Variants in FAM117B observed in about 807,000 individuals in gnomAD.
FAM117B encodes protein FAM117B.
Under a neutral mutation model 52.8 loss-of-function variants are expected in FAM117B, and 22 were observed. The ratio of observed to expected loss-of-function variants is 0.42; its 90% confidence interval spans 0.30 to 0.59. The LOEUF is 0.59. Ranked by LOEUF, FAM117B falls within the 20% of genes least tolerant of loss-of-function variation. FAM117B has a pLI of 0.22. For missense variants in FAM117B, 678 were observed against 802.6 expected, an observed-to-expected ratio of 0.84 and a Z score of 1.88; for synonymous variants, 309 against 324.1, an observed-to-expected ratio of 0.95 and a Z score of 0.50.
At chr2:202,689,062 TTGAA>T (rs940746088) in intron 1 of FAM117B, among the ~76,000 whole-genome samples, 2 of 152,208 alleles carry the variant, frequency 1.3e-5, no homozygotes, top group African/African-American at 4.8e-5. Context: ...CAATAAGTAA[TTGAA>T]TGCATAATGG....
intron 4 of FAM117B, among the ~76,000 whole-genome samples, chr2:202,729,145 C>T (rs953313494): frequency 6.6e-6 from 1 of 152,138 alleles, no homozygotes; most frequent in African/African-American, 2.4e-5. Flanking sequence ...CGAGACTAGC[C>T]TGGCCAACAT....
At chr2:202,719,391 TTTTTA>T (rs3045717) in intron 2 of FAM117B, among the ~76,000 whole-genome samples, 33,316 of 151,958 alleles carry the variant, frequency 0.22, 3,812 homozygotes, top group South Asian at 0.38. Context: ...TTTTAAAAAC[TTTTTA>T]TTTTGAGAAA....
In FAM117B at chr2:202,725,017, A is replaced by G. The variant is rs978550477; in HGVS notation, c.846+8A>G. ...ACAGATCAACTTAAGGAGGTCAGAAAAATGGTTCTAAGATAGTGGGTGTGG... is the reference window on the plus strand; with the variant it reads ...ACAGATCAACTTAAGGAGGTCAGAAGAATGGTTCTAAGATAGTGGGTGTGG... On this transcript the variant is annotated splice_region_variant and intron_variant, in intron 3 of 7. Transcript: ENST00000392238. 6.2e-7 allele frequency: 1 copy of G among 1,604,574 alleles called. No homozygotes were observed. Among genetic ancestry groups the G allele is most frequent in the East Asian group, 2.2e-5 (1 of 44,672 alleles).
At chr2:202,691,595 A>G (rs1156247269) in intron 1 of FAM117B, among the ~76,000 whole-genome samples, 1 of 151,904 alleles carries the variant, frequency 6.6e-6, no homozygotes, top group Admixed American at 6.6e-5. Flanking sequence ...TTAGGGAAGA[A>G]AAGTGCCAGA....
chr2:202,684,048 G>C (rs946862774), intron 1 of FAM117B, among the ~76,000 whole-genome samples: 2 of 151,930 alleles, frequency 1.3e-5, no homozygotes, highest in Non-Finnish European at 2.9e-5. Context: ...TGTATTTTTT[G>C]TAGAGACCAG....
Position 202,635,490 on chromosome 2 carries a change from G to T in FAM117B, c.303G>T (p.Ala101=), listed in dbSNP as rs1167179667. Residue 101 remains alanine, a synonymous_variant, in exon 1 of 8, where the codon GCG becomes GCT. Transcript: ENST00000392238. ...STSPTRGGGN[A]AARTSPTVAT... is the part of the protein sequence containing the mutation. ...GCCCCACGCGCGGCGGCGGGAACGC[G>T]GCCGCGCGCACCAGCCCCACGGTGG... 35 of 1,039,328 alleles carry T rather than the reference G, an allele frequency of 3.4e-5. No homozygotes were observed. The highest frequency in any genetic ancestry group is 2.3e-4 in the Admixed American group (4 of 17,694). 64.4% of individuals were successfully genotyped at this position (1,039,328 alleles called of 1,614,324 possible). A position where few individuals can be genotyped will look rare whatever the true frequency, so the allele number is the denominator to read the frequency against.
chr2:202,642,117 CTT>C (rs780615722), intron 1 of FAM117B, among the ~76,000 whole-genome samples: 6 of 128,812 alleles, frequency 4.7e-5, no homozygotes, highest in Admixed American at 1.6e-4. Context: ...GATTTTTGTA[CTT>C]TTTTTTTTTT....
At chr2:202,667,535 G>A (rs998051792) in intron 1 of FAM117B, among the ~76,000 whole-genome samples, 2 of 151,996 alleles carry the variant, frequency 1.3e-5, no homozygotes, top group Admixed American at 1.3e-4. Flanking sequence ...AAATAATATT[G>A]CTCTGTTCTT....
At chr2:202,692,733 A>C (rs183431059) in intron 1 of FAM117B, among the ~76,000 whole-genome samples, 145 of 152,328 alleles carry the variant, frequency 9.5e-4, no homozygotes, top group Non-Finnish European at 1.7e-3. Flanking sequence ...AGAGATGCAC[A>C]TGGCATAACT....
intron 1 of FAM117B, among the ~76,000 whole-genome samples, chr2:202,689,878 G>A (rs995841690): frequency 2.6e-5 from 4 of 151,948 alleles, no homozygotes; most frequent in South Asian, 2.1e-4. Context: ...TGATCCCACC[G>A]CTGCTGTGAG....
intron 4 of FAM117B, 32 bp from the exon 5 acceptor site, chr2:202,755,506 T>A: frequency 1.1e-5 from 18 of 1,609,096 alleles, no homozygotes; most frequent in Non-Finnish European, 1.4e-5. Context: ...AAGGTAATGT[T>A]AAGCCTCTCT....
intron 1 of FAM117B, among the ~76,000 whole-genome samples, chr2:202,660,033 A>G (rs1690106892): frequency 6.6e-6 from 1 of 151,628 alleles, no homozygotes; most frequent in African/African-American, 2.4e-5. Flanking sequence ...TCTGTTATTC[A>G]GTCCATTCAG....
intron 1 of FAM117B, among the ~76,000 whole-genome samples, chr2:202,686,635 C>G (rs935839458): frequency 6.6e-6 from 1 of 151,960 alleles, no homozygotes; most frequent in African/African-American, 2.4e-5. Context: ...CGGTGAAACC[C>G]GCCTCTACTA....
At chr2:202,676,654 A>T (rs561036327) in intron 1 of FAM117B, among the ~76,000 whole-genome samples, 2 of 152,186 alleles carry the variant, frequency 1.3e-5, no homozygotes, top group South Asian at 2.1e-4. Context: ...CTGGGATTAC[A>T]GATGTGGGCC....
At chr2:202,641,206 C>T (rs2105751589) in intron 1 of FAM117B, among the ~76,000 whole-genome samples, 1 of 152,244 alleles carries the variant, frequency 6.6e-6, no homozygotes, top group East Asian at 1.9e-4. Flanking sequence ...TAGAGGTTCC[C>T]TCAGAGGAGA....
intron 1 of FAM117B, among the ~76,000 whole-genome samples, chr2:202,666,782 C>T (rs1690210627): frequency 6.7e-6 from 1 of 150,224 alleles, no homozygotes; most frequent in Admixed American, 6.7e-5. Flanking sequence ...GATTCTCCTG[C>T]CTCAGCCCGC....
At chr2:202,653,152 C>G (rs1212964296) in intron 1 of FAM117B, among the ~76,000 whole-genome samples, 1 of 152,068 alleles carries the variant, frequency 6.6e-6, no homozygotes, top group African/African-American at 2.4e-5. Flanking sequence ...CCTGTAGTCC[C>G]AGCTGCTTAG....
At chr2:202,665,715 C>T (rs1302302729) in intron 1 of FAM117B, among the ~76,000 whole-genome samples, 1 of 152,198 alleles carries the variant, frequency 6.6e-6, no homozygotes, top group Non-Finnish European at 1.5e-5. Context: ...ATTCTCCTGC[C>T]TCAGCCTCCT....
chr2:202,764,369 A>C (rs764222662), intron 7 of FAM117B, among the ~76,000 whole-genome samples: 67 of 151,838 alleles, frequency 4.4e-4, no homozygotes, highest in Non-Finnish European at 6.5e-4. Flanking sequence ...GGGCCAAGCT[A>C]TCCTCCCACC....
Sources: gnomAD v4.1 joint callset for allele counts (sites outside exome capture counted in the v4.1 genomes callset) on GRCh38, gnomAD v4.1.1 for gene constraint, MANE v1.5 for transcripts, NCBI Gene and HGNC (gene_info 2026-07-23, HGNC 2026-07-21) for gene names.